FRMD5: variants seen among roughly 807,000 people sequenced by gnomAD.
FRMD5 encodes the protein FERM domain containing 5.
FRMD5 carries 20 observed loss-of-function variants against 69.0 expected under a neutral mutation model. That is an observed-to-expected ratio of 0.29 (90% CI 0.20 to 0.42). FRMD5 has a LOEUF of 0.42. Ranked by LOEUF, FRMD5 falls within the 10% of genes least tolerant of loss-of-function variation. The pLI is 1.00. For missense variants in FRMD5, 595 were observed against 708.6 expected (o/e 0.84, Z 1.82); for synonymous variants, 271 against 260.1 (o/e 1.04, Z -0.40).
At chr15:44,164,193 C>G (rs947727905) in intron 1 of FRMD5, among the ~76,000 whole-genome samples, 3 of 152,168 alleles carry the variant, frequency 2.0e-5, no homozygotes, top group African/African-American at 7.2e-5. Flanking sequence ...TCTTTGGTTT[C>G]CCTGAAAGCC....
At chr15:44,132,150 C>T (rs977148090) in intron 1 of FRMD5, among the ~76,000 whole-genome samples, 10 of 152,110 alleles carry the variant, frequency 6.6e-5, no homozygotes, top group Non-Finnish European at 1.5e-4. Context: ...GTTCACGCTC[C>T]TTTGAGAATC....
chr15:44,165,943 A>T (rs1175634821), intron 1 of FRMD5, among the ~76,000 whole-genome samples: 2 of 152,202 alleles, frequency 1.3e-5, no homozygotes, highest in Non-Finnish European at 2.9e-5. Flanking sequence ...AATTTTTTTC[A>T]CTATTATAAA....
intron 11 of FRMD5, 50 bp from the exon 12 acceptor site, chr15:43,884,845 A>G: frequency 6.7e-7 from 1 of 1,484,064 alleles, no homozygotes; most frequent in Non-Finnish European, 9.4e-7. Flanking sequence ...ACTGTGTTGT[A>G]GGACAGCTCC....
chr15:43,902,244 T>C lies in FRMD5; in HGVS notation c.570A>G (p.Thr190=). 6.2e-7 allele frequency: 1 copy of C among 1,614,042 alleles called. No homozygotes were observed. Among genetic ancestry groups the C allele is most frequent in the Admixed American group, 1.7e-5 (1 of 60,014 alleles). ...KTELSGQTPA[T]SELNFLRKAQ... ...CTTTTCTTAAGAAGTTCAGCTCTGA[T>C]GTTGCTGGTGTTTGACCACTGGAAT... The change falls in exon 7 of 14, where the codon ACA becomes ACG. Residue 190 remains threonine (T), a synonymous_variant. Coordinates refer to ENST00000417257, the MANE Select transcript of FRMD5 (RefSeq NM_032892.5).
intron 12 of FRMD5, among the ~76,000 whole-genome samples, 194 bp from the exon 13 acceptor site, chr15:43,884,003 C>T (rs2088600764): frequency 6.6e-6 from 1 of 152,174 alleles, no homozygotes; most frequent in African/African-American, 2.4e-5. Flanking sequence ...CAAACTCCTC[C>T]ACCTCTTTGT....
chr15:43,906,452 C>A (rs1473380348), intron 5 of FRMD5, among the ~76,000 whole-genome samples: 1 of 152,176 alleles, frequency 6.6e-6, no homozygotes, highest in Admixed American at 6.5e-5. Flanking sequence ...CAGAACTCAA[C>A]CCTCAGTTCA....
rs959514323 is a variant in FRMD5, at chr15:43,872,684, C to G, written c.*1201G>C. The G allele has an allele frequency of 1.3e-5, 2 of 154,660 alleles. No individual in the cohort carries two copies. The highest frequency in any genetic ancestry group is 4.8e-5 in the African/African-American group (2 of 41,442). The allele number at this position is 154,660 out of a possible 1,614,324, so 9.6% of individuals were successfully genotyped here. A position where few individuals can be genotyped will look rare whatever the true frequency, so the allele number is the denominator to read the frequency against. ...GTCACATTCTGTGTTTTGTAGGCAT[C>G]TCTTAGAAATCTATTTTAAAAGATT... On this transcript the variant is annotated 3_prime_UTR_variant, in exon 14 of 14. Coordinates refer to ENST00000417257, the MANE Select transcript of FRMD5 (RefSeq NM_032892.5).
chr15:43,977,435 T>TAAGAA (rs2090481612), intron 1 of FRMD5, among the ~76,000 whole-genome samples: 1 of 152,086 alleles, frequency 6.6e-6, no homozygotes, highest in Non-Finnish European at 1.5e-5. Context: ...TCCTGCTCAC[T>TAAGAA]GGGGGTGGTG....
At position 43,873,101 on chromosome 15, in the gene FRMD5, T is replaced by TTAAG. The variant is rs776073101; in HGVS notation, c.*780_*783dup. Reference sequence around the variant, plus strand: ...GGTTCTTCGGAAAAAAAAAATCACGTTAAGTCTAGTTTCATTATACAAAAC... The same window carrying TTAAG: ...GGTTCTTCGGAAAAAAAAAATCACGTTAAGTAAGTCTAGTTTCATTATACAAAAC... On this transcript the variant is annotated 3_prime_UTR_variant, in exon 14 of 14. Transcript: ENST00000417257. 1.5e-5 allele frequency: 21 copies of TTAAG among 1,390,788 alleles called. No homozygotes were observed. The highest frequency in any genetic ancestry group is 2.9e-5 in the African/African-American group (2 of 68,620). The allele number at this position is 1,390,788 out of a possible 1,614,324, so 86.2% of individuals were successfully genotyped here.
intron 8 of FRMD5, among the ~76,000 whole-genome samples, chr15:43,891,083 T>A (rs924021982): frequency 2.0e-5 from 3 of 152,220 alleles, no homozygotes; most frequent in Admixed American, 1.3e-4. Context: ...TAGAAGGAGC[T>A]GGCCAGCTTA....
intron 1 of FRMD5, among the ~76,000 whole-genome samples, chr15:43,963,820 A>C (rs2090246333): frequency 6.6e-6 from 1 of 151,982 alleles, no homozygotes; most frequent in Non-Finnish European, 1.5e-5. Flanking sequence ...AAAACCAAAC[A>C]CCAGACGTTC....
chr15:44,119,525 C>G (rs746876008), intron 1 of FRMD5, among the ~76,000 whole-genome samples: 1 of 151,978 alleles, frequency 6.6e-6, no homozygotes, highest in Admixed American at 6.6e-5. Context: ...GTTTCTCTGG[C>G]CTTTTGGAAT....
At chr15:44,065,652 A>C (rs1893279498) in intron 1 of FRMD5, among the ~76,000 whole-genome samples, 1 of 152,162 alleles carries the variant, frequency 6.6e-6, no homozygotes, top group Non-Finnish European at 1.5e-5. Context: ...TATTGATTTC[A>C]TGACCCACCC....
intron 9 of FRMD5, 69 bp from the exon 10 acceptor site, chr15:43,888,335 C>T: frequency 9.0e-7 from 1 of 1,113,060 alleles, no homozygotes. Flanking sequence ...AGGCGAGGAC[C>T]CTGACCCCAG....
chr15:44,122,070 C>T (rs552114092), intron 1 of FRMD5, among the ~76,000 whole-genome samples: 6 of 150,984 alleles, frequency 4.0e-5, no homozygotes, highest in African/African-American at 1.5e-4. Flanking sequence ...AATCACATTC[C>T]TAAATTATAG....
chr15:43,946,760 T>C (rs1456626441), intron 1 of FRMD5, among the ~76,000 whole-genome samples: 9 of 152,194 alleles, frequency 5.9e-5, no homozygotes, highest in Admixed American at 4.6e-4. Flanking sequence ...CACTTTGCTC[T>C]CTTCTGTCCC....
intron 1 of FRMD5, among the ~76,000 whole-genome samples, chr15:44,107,366 C>T (rs974763597): frequency 2.0e-5 from 3 of 152,084 alleles, no homozygotes; most frequent in African/African-American, 7.2e-5. Flanking sequence ...AAAACAGGAA[C>T]GACACAGAAG....
intron 1 of FRMD5, among the ~76,000 whole-genome samples, chr15:43,979,265 G>A (rs908787975): frequency 1.3e-5 from 2 of 151,834 alleles, no homozygotes; most frequent in Non-Finnish European, 1.5e-5. Context: ...AACCTGGGAG[G>A]TGGAGATTAC....
intron 1 of FRMD5, among the ~76,000 whole-genome samples, chr15:43,956,867 T>C (rs533628151): frequency 6.6e-6 from 1 of 152,208 alleles, no homozygotes; most frequent in South Asian, 2.1e-4. Context: ...GATTGGGCCT[T>C]TTCTCTTTTG....
Sources: allele counts gnomAD v4.1 joint callset (sites outside exome capture counted in the v4.1 genomes callset), GRCh38; gene constraint gnomAD v4.1.1; transcripts MANE v1.5; gene names NCBI Gene and HGNC (gene_info 2026-07-23, HGNC 2026-07-21).